HAS3: variants seen among roughly 807,000 people sequenced by gnomAD.
HAS3 encodes the protein HA synthase 3.
Under a neutral mutation model 50.3 loss-of-function variants are expected in HAS3, and 27 were observed. That is an observed-to-expected ratio of 0.54 (90% CI 0.40 to 0.74). HAS3 has a LOEUF of 0.74. Ranked by LOEUF, HAS3 falls within the 30% of genes least tolerant of loss-of-function variation. The pLI is 0.00. For synonymous variants in HAS3, 339 were observed against 310.9 expected, an observed-to-expected ratio of 1.09 and a Z score of -0.95; for missense variants, 517 against 742.8, an observed-to-expected ratio of 0.70 and a Z score of 3.53.
Position 69,116,057 on chromosome 16 carries a change from T to A in HAS3, c.*791T>A, listed in dbSNP as rs1214178483. The A allele has an allele frequency of 1.0e-6, 1 of 985,594 alleles. No individual in the cohort carries two copies. Among genetic ancestry groups the A allele is most frequent in the African/African-American group, 1.7e-5 (1 of 57,250 alleles). 61.1% of individuals were successfully genotyped at this position (985,594 alleles called of 1,614,324 possible). A position where few individuals can be genotyped will look rare whatever the true frequency, so the allele number is the denominator to read the frequency against. On this transcript the variant is annotated 3_prime_UTR_variant, in exon 4 of 4. Transcript: ENST00000569188. ...AGATGGGTTCTTAGCTTGTCTGTGATCTCTGCTGGGGAGATAAAAAGATTA... is the reference window on the plus strand; with the variant it reads ...AGATGGGTTCTTAGCTTGTCTGTGAACTCTGCTGGGGAGATAAAAAGATTA...
At chr16:69,099,866 A>G in the HAS3 span, among the ~76,000 whole-genome samples, 3 of 151,516 alleles carry the variant, frequency 2.0e-5, no homozygotes, top group South Asian at 2.1e-4. Flanking sequence ...GAAAAGAAAG[A>G]TGGCTGGGAA....
In HAS3 at chr16:69,114,327, C is replaced by T; in HGVS notation, c.739-16C>T. ...CGTGCAACCTTAGGAGGCCCAGCAT[C>T]TCTATTCCCTTGCAGATCCTCAACA... On this transcript the variant is annotated splice_polypyrimidine_tract_variant and intron_variant, in intron 3 of 3. Coordinates refer to ENST00000569188, the MANE Select transcript of HAS3 (RefSeq NM_001199280.2). The surrounding 1 kb of genome is among the most constrained non-coding windows in gnomAD (Gnocchi z 6.4). 1 of 1,581,480 alleles carries T rather than the reference C, an allele frequency of 6.3e-7. No homozygotes were observed. Among genetic ancestry groups the T allele is most frequent in the Non-Finnish European group, 8.6e-7 (1 of 1,168,736 alleles).
chr16:69,118,302 T>C, downstream of HAS3: 1 of 1,146,212 alleles, frequency 8.7e-7, no homozygotes, highest in Non-Finnish European at 1.3e-6. Flanking sequence ...AGAAACTGCA[T>C]TCGGTGGGTC....
In HAS3 at chr16:69,109,582, G is replaced by C; in HGVS notation, c.187G>C (p.Ala63Pro). 1.9e-6 allele frequency: 3 copies of C among 1,613,276 alleles called. No homozygotes were observed. The highest frequency in any genetic ancestry group is 2.5e-6 in the Non-Finnish European group (3 of 1,179,988). Residue 63 changes from alanine to proline, a missense_variant, in exon 2 of 4, where the codon GCC becomes CCC. Physicochemically the swap from Ala to Pro is conservative, Grantham distance 27. Coordinates refer to ENST00000569188, the MANE Select transcript of HAS3 (RefSeq NM_001199280.2). The surrounding 1 kb of genome is among the most constrained non-coding windows in gnomAD (Gnocchi z 5.3). ...GLHLLIQSLF[A>P]FLEHRRMRRA... ...GCACCTGCTCATTCAGAGCCTTTTT[G>C]CCTTCCTGGAGCACCGGCGCATGCG... is the stretch of plus-strand genomic sequence containing the variant.
the HAS3 span, among the ~76,000 whole-genome samples, chr16:69,085,359 C>G: frequency 2.0e-5 from 3 of 152,180 alleles, no homozygotes. Flanking sequence ...CATGAAGCAT[C>G]CTAGTACCTT....
Position 69,106,678 on chromosome 16 carries a change from A to C in HAS3, c.-1+891A>C, listed in dbSNP as rs927008763. On this transcript the variant is annotated intron_variant, in intron 1 of 3. Coordinates refer to ENST00000569188, the MANE Select transcript of HAS3 (RefSeq NM_001199280.2). The surrounding 1 kb of genome is among the most constrained non-coding windows in gnomAD (Gnocchi z 5.5). ...GGGGTACCCCTCCCCCGCACCTTCT[A>C]CGACCTCCCGGGGGTTTGCACCTGT... 2 of 151,826 alleles carry C rather than the reference A, an allele frequency of 1.3e-5. No homozygotes were observed. The highest frequency in any genetic ancestry group is 3.9e-4 in the East Asian group (2 of 5,116). The allele number at this position is 151,826 out of a possible 1,614,324, so 9.4% of individuals were successfully genotyped here.
chr16:69,106,071 T>A lies in HAS3; in HGVS notation c.-1+284T>A, dbSNP rs555974786. On this transcript the variant is annotated intron_variant, in intron 1 of 3. Transcript: ENST00000569188. This position sits in a 1 kb window ranked among gnomAD's most constrained non-coding sequence, Gnocchi z 5.5. ...TAGGCGTCCCCGCCGAGCGCTGGCT[T>A]GTGGCGCTCCCTGGGACCGCGCGGG... is the stretch of plus-strand genomic sequence containing the variant. Among the ~76,000 whole-genome samples the A allele has an allele frequency of 3.7e-4, 56 of 152,156 alleles. No homozygotes were observed. The highest frequency in any genetic ancestry group is 9.9e-4 in the African/African-American group (41 of 41,536).
upstream of HAS3, among the ~76,000 whole-genome samples, chr16:69,102,737 A>G (rs1960709723): frequency 6.6e-6 from 1 of 152,286 alleles, no homozygotes; most frequent in East Asian, 1.9e-4. Flanking sequence ...CCACCTGGAA[A>G]ACTCCGTGGA....
At chr16:69,111,851 A>C in intron 2 of HAS3, among the ~76,000 whole-genome samples, 1 of 152,182 alleles carries the variant, frequency 6.6e-6, no homozygotes, top group Non-Finnish European at 1.5e-5. Context: ...CCCTTCAAGC[A>C]CAGGATCTCA....
At chr16:69,102,422 C>A (rs1318881712), upstream of HAS3, among the ~76,000 whole-genome samples, 1 of 152,214 alleles carries the variant, frequency 6.6e-6, no homozygotes, top group Non-Finnish European at 1.5e-5. Flanking sequence ...AGAAACCCCT[C>A]CCCACCTCCC....
rs946984978 is a variant in HAS3 at position 69,116,228 on chromosome 16, T to G, written c.*962T>G. On this transcript the variant is annotated 3_prime_UTR_variant, in exon 4 of 4. Coordinates refer to ENST00000569188, the MANE Select transcript of HAS3 (RefSeq NM_001199280.2). Reference sequence around the variant, plus strand: ...AAAGCCACATTTTTTGAGGTATCACTGCAGTCACCTCTTCTACCCTCATCA... The same window carrying G: ...AAAGCCACATTTTTTGAGGTATCACGGCAGTCACCTCTTCTACCCTCATCA... 9.1e-6 allele frequency: 9 copies of G among 985,454 alleles called. No homozygotes were observed. The highest frequency in any genetic ancestry group is 4.8e-6 in the Non-Finnish European group (4 of 829,950). The allele number at this position is 985,454 out of a possible 1,614,324, so 61.0% of individuals were successfully genotyped here.
upstream of HAS3, among the ~76,000 whole-genome samples, chr16:69,105,090 C>G (rs1446618555): frequency 2.1e-5 from 3 of 142,584 alleles, no homozygotes; most frequent in Non-Finnish European, 4.5e-5. Flanking sequence ...TCACTGCAAC[C>G]TCCACCTGCG....
chr16:69,118,433 C>G (rs779608930), downstream of HAS3: 8 of 1,610,920 alleles, frequency 5.0e-6, no homozygotes, highest in Non-Finnish European at 6.8e-6. Flanking sequence ...ATGGTCCGTT[C>G]ACCAACGCCA....
At chr16:69,092,066 G>A in the HAS3 span, among the ~76,000 whole-genome samples, 4 of 152,068 alleles carry the variant, frequency 2.6e-5, no homozygotes, top group Admixed American at 6.6e-5. Flanking sequence ...TATTAATCCC[G>A]TTAGCCCTCA....
rs1471467298 is a variant in HAS3 at position 69,115,441 on chromosome 16, TAG to T, written c.*178_*179del. ...TGTAGTATGGCCTGACAGCTCTGTT[TAG>T]AGGAGGCAACACTGATCCCCCAGAT... is the stretch of plus-strand genomic sequence containing the variant. On this transcript the variant is annotated 3_prime_UTR_variant, in exon 4 of 4. Coordinates refer to ENST00000569188, the MANE Select transcript of HAS3 (RefSeq NM_001199280.2). 1.5e-6 allele frequency: 2 copies of T among 1,334,140 alleles called. No individual in the cohort carries two copies. Among genetic ancestry groups the T allele is most frequent in the Non-Finnish European group, 1.9e-6 (2 of 1,047,858 alleles). The allele number at this position is 1,334,140 out of a possible 1,614,324, so 82.6% of individuals were successfully genotyped here.
Position 69,116,482 on chromosome 16 carries a change from G to T in HAS3, c.*1216G>T. The T allele has an allele frequency of 3.0e-6, 3 of 985,858 alleles. No homozygotes were observed. In the South Asian group the frequency reaches 1.4e-4, roughly 46 times the overall value. 61.1% of individuals were successfully genotyped at this position (985,858 alleles called of 1,614,324 possible). ...CATCTCCAATGGAAAGCTTTTCAGT[G>T]TTCCCAAAGTGAACTCTCAAATCCA... On this transcript the variant is annotated 3_prime_UTR_variant, in exon 4 of 4. Transcript: ENST00000569188.
At chr16:69,118,034 A>C, downstream of HAS3, 1 of 377,132 alleles carries the variant, frequency 2.7e-6, no homozygotes, top group Non-Finnish European at 4.9e-6. Flanking sequence ...TTTATTAAAG[A>C]AACAGTAAGA....
chr16:69,086,522 A>ATGTGTG, the HAS3 span, among the ~76,000 whole-genome samples: 8,175 of 138,332 alleles, frequency 0.059, 261 homozygotes, highest in Non-Finnish European at 0.07. Context: ...TTTCTATATT[A>ATGTGTG]TGTGTGTGTG....
chr16:69,083,658 G>C, the HAS3 span: 3 of 1,556,472 alleles, frequency 1.9e-6, no homozygotes, highest in East Asian at 7.2e-5. Context: ...TGGTCCTGCC[G>C]TAGACCTGGC....
Sources: gnomAD v4.1 joint callset for allele counts (sites outside exome capture counted in the v4.1 genomes callset) on GRCh38, gnomAD v4.1.1 for gene constraint, Gnocchi (gnomAD v3.1) non-coding constraint, MANE v1.5 for transcripts, NCBI Gene and HGNC (gene_info 2026-07-23, HGNC 2026-07-21) for gene names.